The following RAB3GAP1 variants were observed in gnomAD, a reference collection of about 807,000 sequenced individuals.
RAB3GAP1 encodes the protein rab3 GTPase-activating protein catalytic subunit.
A neutral mutation model predicts 130.7 loss-of-function variants in RAB3GAP1; 86 were observed. That is an observed-to-expected ratio of 0.66 (90% CI 0.55 to 0.79). The LOEUF is 0.79. Ranked by LOEUF, RAB3GAP1 falls within the 30% of genes least tolerant of loss-of-function variation. The pLI is 0.00. For missense variants in RAB3GAP1, 1,029 were observed against 1,169.4 expected, an observed-to-expected ratio of 0.88 and a Z score of 1.75; for synonymous variants, 367 against 401.7, an observed-to-expected ratio of 0.91 and a Z score of 1.03.
At chr2:135,057,907 TG>T in intron 2 of RAB3GAP1, 103 bp from the exon 3 acceptor site, 1 of 834,730 alleles carries the variant, frequency 1.2e-6, no homozygotes, top group Non-Finnish European at 2.0e-6. Context: ...GAGTCCTCTC[TG>T]GTCAAATTGT....
chr2:135,064,514 T>C (rs190783992), intron 3 of RAB3GAP1, among the ~76,000 whole-genome samples: 26 of 152,282 alleles, frequency 1.7e-4, no homozygotes, highest in Non-Finnish European at 1.8e-4. Flanking sequence ...TTTTTAGGTT[T>C]AGAATTTTCA....
At chr2:135,066,588 T>C (rs977781012) in intron 3 of RAB3GAP1, among the ~76,000 whole-genome samples, 1 of 152,236 alleles carries the variant, frequency 6.6e-6, no homozygotes, top group African/African-American at 2.4e-5. Context: ...TTTTACTCTG[T>C]CCTTTTTGGT....
chr2:135,082,504 G>A (rs1342163106), intron 3 of RAB3GAP1, among the ~76,000 whole-genome samples: 1 of 150,062 alleles, frequency 6.7e-6, no homozygotes, highest in African/African-American at 2.5e-5. Flanking sequence ...GCAATGGTGC[G>A]ATCTCAGCTC....
chr2:135,133,709 T>C, intron 14 of RAB3GAP1, 152 bp from the exon 15 acceptor site: 1 of 637,710 alleles, frequency 1.6e-6, no homozygotes, highest in South Asian at 1.9e-5. Flanking sequence ...CTAAGAATAG[T>C]TTATGCAGTA....
chr2:135,066,053 G>A (rs965720373), intron 3 of RAB3GAP1, among the ~76,000 whole-genome samples: 8 of 152,058 alleles, frequency 5.3e-5, no homozygotes, highest in Middle Eastern at 3.4e-3. Flanking sequence ...GATTACAGGC[G>A]TGAGCTACTG....
At chr2:135,074,269 G>C (rs939288629) in intron 3 of RAB3GAP1, among the ~76,000 whole-genome samples, 1 of 152,296 alleles carries the variant, frequency 6.6e-6, no homozygotes, top group African/African-American at 2.4e-5. Context: ...GGTTTGCCCT[G>C]GTCAAGCTTC....
chr2:135,115,151 A>G, intron 6 of RAB3GAP1, 65 bp from the exon 7 acceptor site: 1 of 1,466,810 alleles, frequency 6.8e-7, no homozygotes, highest in Non-Finnish European at 9.4e-7. Flanking sequence ...TTTGGAAAAA[A>G]TTTGAGGTTC....
rs760517194 is a variant in RAB3GAP1, at chr2:135,135,828, G to A, written c.1819G>A (p.Gly607Arg). Residue 607 changes from glycine (G) to arginine (R), a missense_variant, in exon 17 of 24, where the codon GGA becomes AGA. Gly to Arg is a moderately radical substitution (Grantham distance 125, BLOSUM62 -2). This residue lies in a region of RAB3GAP1 where 373 missense variants were observed against 493.6 expected (regional missense o/e 0.76). Transcript: ENST00000264158. ...GNGQESGKKG[G>R]PKEMANLRPE... ...TGGACAAGAGAGTGGCAAGAAAGGA[G>A]GACCTAAGGAGATGGCAAATTTAAG... The A allele has an allele frequency of 1.2e-6, 2 of 1,614,166 alleles. No individual in the cohort carries two copies. The highest frequency in any genetic ancestry group is 1.7e-5 in the Admixed American group (1 of 60,022).
chr2:135,151,602 G>A (rs1692175421), intron 18 of RAB3GAP1, among the ~76,000 whole-genome samples: 1 of 152,166 alleles, frequency 6.6e-6, no homozygotes, highest in African/African-American at 2.4e-5. Flanking sequence ...AAATGATACA[G>A]AAAATCTGCA....
At chr2:135,072,601 T>C (rs1558762366) in intron 3 of RAB3GAP1, among the ~76,000 whole-genome samples, 1 of 152,216 alleles carries the variant, frequency 6.6e-6, no homozygotes, top group Non-Finnish European at 1.5e-5. Flanking sequence ...CCTGTCATGA[T>C]TTTCTCATGA....
intron 3 of RAB3GAP1, among the ~76,000 whole-genome samples, chr2:135,059,381 T>A (rs1689105455): frequency 6.6e-6 from 1 of 152,154 alleles, no homozygotes; most frequent in Non-Finnish European, 1.5e-5. Flanking sequence ...TTACATGTAT[T>A]TACTGAGTAC....
intron 5 of RAB3GAP1, among the ~76,000 whole-genome samples, chr2:135,105,215 T>TCCCCCTTCCCCCTCCCGCTC (rs1389755517): frequency 1.0e-4 from 1 of 9,562 alleles, no homozygotes; most frequent in Non-Finnish European, 2.2e-4. Flanking sequence ...CCTCTCCCCC[T>TCCCCCTTCCCCCTCCCGCTC]CCCCCTTCCC....
chr2:135,055,086 C>T (rs540841849), intron 2 of RAB3GAP1, among the ~76,000 whole-genome samples: 4 of 152,234 alleles, frequency 2.6e-5, no homozygotes, highest in Admixed American at 6.5e-5. Context: ...AAAACAGGTA[C>T]GGTTTCTGCT....
chr2:135,104,185 A>G (rs900635606), intron 5 of RAB3GAP1, among the ~76,000 whole-genome samples: 1 of 152,244 alleles, frequency 6.6e-6, no homozygotes, highest in Non-Finnish European at 1.5e-5. Context: ...AATGGAATAG[A>G]GATATCAGAG....
At chr2:135,118,799 A>G (rs1691103671) in intron 7 of RAB3GAP1, among the ~76,000 whole-genome samples, 1 of 152,086 alleles carries the variant, frequency 6.6e-6, no homozygotes, top group Admixed American at 6.5e-5. Context: ...TTTGCTCACC[A>G]CATGTGGGTG....
chr2:135,159,421 T>C (rs1692406144), intron 19 of RAB3GAP1, among the ~76,000 whole-genome samples: 1 of 152,214 alleles, frequency 6.6e-6, no homozygotes, highest in Admixed American at 6.5e-5. Flanking sequence ...AGTGGCACTT[T>C]ACCTCTCTGG....
At chr2:135,125,255 C>T (rs533318709) in intron 9 of RAB3GAP1, among the ~76,000 whole-genome samples, 3 of 152,236 alleles carry the variant, frequency 2.0e-5, no homozygotes, top group South Asian at 4.2e-4. Context: ...TTTTAATTAG[C>T]ATGTTTTCAA....
At chr2:135,080,397 T>C (rs1198421125) in intron 3 of RAB3GAP1, among the ~76,000 whole-genome samples, 1 of 152,154 alleles carries the variant, frequency 6.6e-6, no homozygotes, top group Non-Finnish European at 1.5e-5. Context: ...GAAGATCATA[T>C]ATACAGAGGA....
intron 5 of RAB3GAP1, among the ~76,000 whole-genome samples, chr2:135,102,192 G>A (rs1236954466): frequency 6.6e-6 from 1 of 152,246 alleles, no homozygotes; most frequent in Non-Finnish European, 1.5e-5. Flanking sequence ...GAGGGAGACA[G>A]AGGAGAGTTA....
Sources: gnomAD v4.1 joint callset for allele counts (sites outside exome capture counted in the v4.1 genomes callset) on GRCh38, gnomAD v4.1.1 for gene constraint, gnomAD v4.1.1 regional missense constraint, MANE v1.5 for transcripts, NCBI Gene and HGNC (gene_info 2026-07-23, HGNC 2026-07-21) for gene names.